OTUB1: variants seen among roughly 807,000 people sequenced by gnomAD.
The protein encoded by OTUB1 is ubiquitin thioesterase OTUB1.
Under a neutral mutation model 35.8 loss-of-function variants are expected in OTUB1, and 10 were observed. The observed-to-expected ratio is 0.28, with a 90% CI of 0.17 to 0.47. The LOEUF is 0.47. Ranked by LOEUF, OTUB1 falls within the 20% of genes least tolerant of loss-of-function variation. OTUB1 has a pLI of 0.99. For missense variants in OTUB1, 264 were observed against 351.6 expected, an observed-to-expected ratio of 0.75 and a Z score of 1.99; for synonymous variants, 158 against 143.8, an observed-to-expected ratio of 1.10 and a Z score of -0.71.
Position 63,986,452 on chromosome 11 carries a change from T to C in OTUB1, c.-5T>C. ...AAGCGGTCGGTAGTGCGGCGCTGTT[T>C]AAAGATGGCGGCGGAGGAACCTCAG... is the stretch of plus-strand genomic sequence containing the variant. On this transcript the variant is annotated 5_prime_UTR_variant, in exon 1 of 7. Coordinates refer to ENST00000538426, the MANE Select transcript of OTUB1 (RefSeq NM_017670.3). 6.4e-7 allele frequency: 1 copy of C among 1,554,194 alleles called. No individual in the cohort carries two copies. Among genetic ancestry groups the C allele is most frequent in the Non-Finnish European group, 8.7e-7 (1 of 1,148,922 alleles).
At chr11:63,990,460 T>C (rs937808460) in intron 3 of OTUB1, 2 of 151,810 alleles carry the variant, frequency 1.3e-5, no homozygotes, top group Non-Finnish European at 2.9e-5. Context: ...TTACTGGGTG[T>C]GGTAGCACAT....
At position 63,996,805 on chromosome 11, in the gene OTUB1, C is replaced by T. The variant is rs767037688; in HGVS notation, c.339-52C>T. ...GGCAGTGCTGTCTCGGCCCTGGCGT[C>T]TGGGCTGGTCGAGGAGCCCATGCTG... On this transcript the variant is annotated intron_variant, in intron 4 of 6. Transcript: ENST00000538426. 8.7e-6 allele frequency: 14 copies of T among 1,612,328 alleles called. No homozygotes were observed. In the South Asian group the frequency reaches 1.5e-4, roughly 18 times the overall value.
intron 1 of OTUB1, among the ~76,000 whole-genome samples, chr11:63,987,265 C>A (rs778431139): frequency 6.6e-6 from 1 of 152,126 alleles, no homozygotes; most frequent in Non-Finnish European, 1.5e-5. Flanking sequence ...GATGGCGAGC[C>A]CCAAAAGGGT....
At chr11:63,996,743 C>T in intron 4 of OTUB1, 95 bp downstream of exon 4, 3 of 1,610,742 alleles carry the variant, frequency 1.9e-6, no homozygotes, top group Non-Finnish European at 2.5e-6. Flanking sequence ...CTCCCTCCTT[C>T]CCGGGCGATG....
intron 4 of OTUB1, 73 bp from the exon 5 acceptor site, chr11:63,996,784 G>A (rs1942722617): frequency 1.2e-6 from 2 of 1,610,058 alleles, no homozygotes; most frequent in Non-Finnish European, 8.5e-7. Context: ...AGGCGGGGCA[G>A]TGCTGTCTCG....
chr11:63,994,442 G>A (rs1225812415), intron 3 of OTUB1, among the ~76,000 whole-genome samples: 1 of 152,140 alleles, frequency 6.6e-6, no homozygotes, highest in Non-Finnish European at 1.5e-5. Context: ...TAGTAGAGAC[G>A]GGGTTTCACC....
intron 1 of OTUB1, among the ~76,000 whole-genome samples, 177 bp from the exon 2 acceptor site, chr11:63,988,160 A>G (rs1358982816): frequency 6.6e-6 from 1 of 152,200 alleles, no homozygotes; most frequent in African/African-American, 2.4e-5. Context: ...ATGTAGTTCC[A>G]GCTATTGGGA....
intron 3 of OTUB1, among the ~76,000 whole-genome samples, chr11:63,991,826 C>G (rs1332524902): frequency 6.6e-6 from 1 of 152,190 alleles, no homozygotes; most frequent in East Asian, 1.9e-4. Context: ...CCTGCCCTCA[C>G]AAAACTTACA....
chr11:63,989,192 C>A (rs757871836), intron 3 of OTUB1: 162 of 153,896 alleles, frequency 1.1e-3, no homozygotes, highest in Non-Finnish European at 2.0e-3. Flanking sequence ...TGGTGGCAGG[C>A]ACCTGTAATC....
chr11:63,986,842 C>T (rs957138880), intron 1 of OTUB1: 3 of 316,324 alleles, frequency 9.5e-6, no homozygotes, highest in African/African-American at 4.3e-5. Flanking sequence ...TCGCCCCTGT[C>T]CTTGCAGTCA....
Position 63,997,981 on chromosome 11 carries a change from G to A in OTUB1, c.*435G>A, listed in dbSNP as rs916084666. The A allele has an allele frequency of 8.7e-6, 5 of 572,062 alleles. No homozygotes were observed. The Admixed American group carries it at 9.5e-5, about 11-fold the overall frequency. 35.4% of individuals were successfully genotyped at this position (572,062 alleles called of 1,614,324 possible). On this transcript the variant is annotated 3_prime_UTR_variant, in exon 7 of 7. Coordinates refer to ENST00000538426, the MANE Select transcript of OTUB1 (RefSeq NM_017670.3). The stretch of plus-strand genomic sequence containing the variant: ...CCACACTTCATCTGCTCCCTCATAG[G>A]CCCCACCTCCACGTCCCGGCTGGGC...
chr11:63,993,002 T>A (rs7942318), intron 3 of OTUB1, among the ~76,000 whole-genome samples: 5 of 152,100 alleles, frequency 3.3e-5, no homozygotes, highest in Admixed American at 1.3e-4. Flanking sequence ...GGCCATTCTC[T>A]TGCTGGGGTG....
At position 63,997,571 on chromosome 11, in the gene OTUB1, C is replaced by G; in HGVS notation, c.*25C>G. ...GGGCTGGCTCCAGCCCGCTGCTGCC[C>G]TGCTGCCCCCCTCTGCCAGGCGCTA... On this transcript the variant is annotated 3_prime_UTR_variant, in exon 7 of 7. Coordinates refer to ENST00000538426, the MANE Select transcript of OTUB1 (RefSeq NM_017670.3). 1 of 1,598,602 alleles carries G rather than the reference C, an allele frequency of 6.3e-7. No individual in the cohort carries two copies. Among genetic ancestry groups the G allele is most frequent in the Non-Finnish European group, 8.6e-7 (1 of 1,166,892 alleles).
chr11:63,993,536 C>T (rs1400068942), intron 3 of OTUB1, among the ~76,000 whole-genome samples: 2 of 151,854 alleles, frequency 1.3e-5, no homozygotes, highest in Non-Finnish European at 2.9e-5. Context: ...TAGTGGCGCG[C>T]GCCTGTAGTC....
intron 3 of OTUB1, among the ~76,000 whole-genome samples, chr11:63,991,854 A>G (rs1160078850): frequency 2.0e-5 from 3 of 152,244 alleles, no homozygotes; most frequent in Non-Finnish European, 4.4e-5. Context: ...GTGGAAAGAC[A>G]TGATAAGCCA....
chr11:63,995,342 ATG>A (rs1942707157), intron 3 of OTUB1, among the ~76,000 whole-genome samples: 1 of 152,122 alleles, frequency 6.6e-6, no homozygotes, highest in Non-Finnish European at 1.5e-5. Context: ...GATTACAGGC[ATG>A]CACCACCATG....
chr11:63,988,314 T>G, intron 1 of OTUB1, 23 bp from the exon 2 acceptor site: 1 of 1,550,354 alleles, frequency 6.5e-7, no homozygotes. Context: ...CCCTGTAATC[T>G]TTGGCTTTTT....
chr11:63,991,051 G>A (rs1359924179), intron 3 of OTUB1, among the ~76,000 whole-genome samples: 1 of 152,204 alleles, frequency 6.6e-6, no homozygotes. Flanking sequence ...CCTCCTCAGG[G>A]AGCTAGATTT....
intron 4 of OTUB1, 41 bp from the exon 5 acceptor site, chr11:63,996,816 G>C (rs763385833): frequency 5.6e-6 from 9 of 1,613,466 alleles, no homozygotes; most frequent in Middle Eastern, 1.7e-4. Flanking sequence ...TGGGCTGGTC[G>C]AGGAGCCCAT....
Sources: gnomAD v4.1 joint callset for allele counts (sites outside exome capture counted in the v4.1 genomes callset) on GRCh38, gnomAD v4.1.1 for gene constraint, MANE v1.5 for transcripts, NCBI Gene and HGNC (gene_info 2026-07-23, HGNC 2026-07-21) for gene names.